IDE: variants seen among roughly 807,000 people sequenced by gnomAD.
IDE encodes the protein insulin-degrading enzyme.
Under a neutral mutation model 133.2 loss-of-function variants are expected in IDE, and 58 were observed. The ratio of observed to expected loss-of-function variants is 0.44; its 90% CI spans 0.35 to 0.54. IDE has a LOEUF of 0.54. IDE is among the 20% of genes least tolerant of loss of function. The pLI, the probability that IDE is intolerant of heterozygous loss-of-function variation, is 0.00. For missense variants in IDE, 981 were observed against 1,234.0 expected (o/e 0.79, Z 3.07); for synonymous variants, 396 against 421.3 (o/e 0.94, Z 0.73).
chr10:92,504,824 A>G lies in IDE; in HGVS notation c.1400T>C (p.Val467Ala). 1 of 1,595,690 alleles carries G rather than the reference A, an allele frequency of 6.3e-7. No homozygotes were observed. Among genetic ancestry groups the G allele is most frequent in the African/African-American group, 1.3e-5 (1 of 74,388 alleles). Reference sequence around the variant, plus strand: ...ATTTTCTGGTCTGAGTTTATCGAGAACCATCTCTATTAAGTCAGGTCTAAA... The same window carrying G: ...ATTTTCTGGTCTGAGTTTATCGAGAGCCATCTCTATTAAGTCAGGTCTAAA... ...EEFRPDLIEM[V>A]LDKLRPENVR... Residue 467 changes from valine (V) to alanine (A), a missense_variant, in exon 11 of 25, where the codon GTT becomes GCT. Coordinates refer to ENST00000265986, the MANE Select transcript of IDE (RefSeq NM_004969.4).
chr10:92,497,388 A>C (rs914836741), intron 11 of IDE, among the ~76,000 whole-genome samples: 1 of 152,248 alleles, frequency 6.6e-6, no homozygotes, highest in African/African-American at 2.4e-5. Flanking sequence ...CCTTGGAAGA[A>C]GTTAAACTGA....
At chr10:92,464,908 G>C (rs1845592371) in intron 20 of IDE, among the ~76,000 whole-genome samples, 1 of 152,198 alleles carries the variant, frequency 6.6e-6, no homozygotes, top group Non-Finnish European at 1.5e-5. Context: ...GACCTCAGGT[G>C]ATCCACCCGC....
At chr10:92,543,381 C>G (rs1032269466) in intron 1 of IDE, among the ~76,000 whole-genome samples, 2 of 152,052 alleles carry the variant, frequency 1.3e-5, no homozygotes, top group Non-Finnish European at 2.9e-5. Context: ...GACCATATAC[C>G]CCAAGTACTA....
intron 1 of IDE, among the ~76,000 whole-genome samples, chr10:92,562,864 G>A (rs1490411565): frequency 6.6e-6 from 1 of 152,252 alleles, no homozygotes; most frequent in Non-Finnish European, 1.5e-5. Context: ...AGCAGGCTGG[G>A]TGTGGTGGCT....
At chr10:92,458,517 T>C (rs1845166372) in intron 22 of IDE, among the ~76,000 whole-genome samples, 1 of 133,002 alleles carries the variant, frequency 7.5e-6, no homozygotes, top group Non-Finnish European at 1.6e-5. Flanking sequence ...TTTTTTTTTT[T>C]TTGAGATGGA....
chr10:92,552,100 T>A (rs981451070), intron 1 of IDE, among the ~76,000 whole-genome samples: 6 of 152,126 alleles, frequency 3.9e-5, no homozygotes, highest in Admixed American at 1.3e-4. Flanking sequence ...CTAACAACTA[T>A]AAATGAGTAA....
chr10:92,489,175 G>A (rs1358118858), intron 12 of IDE, among the ~76,000 whole-genome samples: 1 of 152,126 alleles, frequency 6.6e-6, no homozygotes, highest in Non-Finnish European at 1.5e-5. Context: ...TGGTATCTTA[G>A]GTTTCCAGAA....
chr10:92,570,782 G>A (rs898207320), intron 1 of IDE, among the ~76,000 whole-genome samples: 1 of 151,818 alleles, frequency 6.6e-6, no homozygotes, highest in African/African-American at 2.4e-5. Flanking sequence ...GTGGGGTGGT[G>A]GCATGAGCCT....
At chr10:92,519,764 G>A (rs1280180874) in intron 4 of IDE, among the ~76,000 whole-genome samples, 1 of 152,076 alleles carries the variant, frequency 6.6e-6, no homozygotes, top group African/African-American at 2.4e-5. Flanking sequence ...ATTCATAAAT[G>A]GGCATAATAA....
At chr10:92,486,174 C>T (rs765224096) in intron 13 of IDE, among the ~76,000 whole-genome samples, 14 of 151,970 alleles carry the variant, frequency 9.2e-5, no homozygotes, top group Non-Finnish European at 1.9e-4. Flanking sequence ...CATGGTGAAA[C>T]CCTGTCTCTA....
At chr10:92,462,185 G>A (rs1190011700) in intron 21 of IDE, among the ~76,000 whole-genome samples, 1 of 151,860 alleles carries the variant, frequency 6.6e-6, no homozygotes, top group Admixed American at 6.6e-5. Flanking sequence ...GCATAGTGGA[G>A]TATGCCTGTA....
At chr10:92,557,806 T>C (rs758412381) in intron 1 of IDE, among the ~76,000 whole-genome samples, 45 of 148,520 alleles carry the variant, frequency 3.0e-4, no homozygotes, top group Middle Eastern at 3.6e-3. Flanking sequence ...ATAAGAATTG[T>C]TTAAACCTGG....
At chr10:92,464,118 A>G (rs1000502821) in intron 20 of IDE, 115 bp from the exon 21 acceptor site, 2 of 1,028,170 alleles carry the variant, frequency 1.9e-6, no homozygotes, top group Non-Finnish European at 2.9e-6. Flanking sequence ...GTTTTAGAGT[A>G]TTCACCTCTT....
At position 92,537,484 on chromosome 10, in the gene IDE, G is replaced by A. The variant is rs755720607; in HGVS notation, c.165C>T (p.Thr55=). The A allele has an allele frequency of 3.3e-5, 53 of 1,613,484 alleles. No individual in the cohort carries two copies. The South Asian group carries it at 5.6e-4, about 17-fold the overall frequency. ...PAIKRIGNHI[T]KSPEDKREYR... Reference sequence around the variant, plus strand: ...ATTCTCGCTTGTCTTCAGGAGACTTGGTAATGTGATTTCCTATTCTCTTGA... The same window carrying A: ...ATTCTCGCTTGTCTTCAGGAGACTTAGTAATGTGATTTCCTATTCTCTTGA... The change falls in exon 2 of 25, where the codon ACC becomes ACT. Residue 55 remains threonine (T), a synonymous_variant. Coordinates refer to ENST00000265986, the MANE Select transcript of IDE (RefSeq NM_004969.4).
chr10:92,503,788 G>A (rs954711901), intron 11 of IDE, among the ~76,000 whole-genome samples: 2 of 149,820 alleles, frequency 1.3e-5, no homozygotes, highest in African/African-American at 2.5e-5. Context: ...CCATGATCTC[G>A]GCTCACAGCA....
intron 3 of IDE, among the ~76,000 whole-genome samples, chr10:92,533,732 A>G (rs1165176936): frequency 6.6e-6 from 1 of 150,846 alleles, no homozygotes; most frequent in Non-Finnish European, 1.5e-5. Flanking sequence ...AAAAAAAAAA[A>G]GCTGACCAAG....
intron 11 of IDE, among the ~76,000 whole-genome samples, chr10:92,501,011 A>G (rs1347637946): frequency 6.6e-6 from 1 of 150,864 alleles, no homozygotes. Context: ...ACTGCACTCC[A>G]GCCTGGGCGA....
Position 92,454,462 on chromosome 10 carries a change from G to A in IDE, c.3042C>T (p.Phe1014=). Residue 1014 remains phenylalanine, a synonymous_variant, in exon 25 of 25, where the codon TTC becomes TTT. Coordinates refer to ENST00000265986, the MANE Select transcript of IDE (RefSeq NM_004969.4). ...LFPLVKPHIN[F]MAAKL ...GGAATCTTCAGAGTTTTGCAGCCAT[G>A]AAGTTAATATGTGGTTTCACAAGGG... 4.3e-6 allele frequency: 7 copies of A among 1,612,198 alleles called. No individual in the cohort carries two copies. Among genetic ancestry groups the A allele is most frequent in the Non-Finnish European group, 5.9e-6 (7 of 1,178,202 alleles).
At chr10:92,490,394 C>CA (rs1240404273) in intron 12 of IDE, 99 bp downstream of exon 12, 1 of 753,172 alleles carries the variant, frequency 1.3e-6, no homozygotes, top group Non-Finnish European at 2.3e-6. Context: ...ACTAGGTCAT[C>CA]AGTCTTCCAC....
Sources: gnomAD v4.1 joint callset for allele counts (sites outside exome capture counted in the v4.1 genomes callset) on GRCh38, gnomAD v4.1.1 for gene constraint, MANE v1.5 for transcripts, NCBI Gene and HGNC (gene_info 2026-07-23, HGNC 2026-07-21) for gene names.